The following KCNQ3 variants were observed in gnomAD, a reference collection of about 807,000 sequenced individuals.
KCNQ3 encodes the protein potassium voltage-gated channel subfamily KQT member 3.
Under a neutral mutation model 92.5 loss-of-function variants are expected in KCNQ3, and 30 were observed. The observed-to-expected ratio is 0.32, with a 90% CI of 0.24 to 0.44. The LOEUF (loss-of-function observed/expected upper bound fraction) is 0.44. Among genes scored for constraint, KCNQ3 ranks in the 20% least tolerant of loss-of-function variants. The pLI, the probability that KCNQ3 is intolerant of heterozygous loss-of-function variation, is 1.00. For synonymous variants in KCNQ3, 450 were observed against 468.8 expected (o/e 0.96, Z 0.52); for missense variants, 913 against 1,140.3 (o/e 0.80, Z 2.87).
intron 1 of KCNQ3, among the ~76,000 whole-genome samples, chr8:132,303,072 A>C (rs537758644): frequency 6.6e-6 from 1 of 152,308 alleles, no homozygotes; most frequent in East Asian, 1.9e-4. Context: ...ATGCAAGAAC[A>C]GGAAAGGGAA....
At chr8:132,203,069 T>G (rs1239940191) in intron 1 of KCNQ3, among the ~76,000 whole-genome samples, 1 of 152,070 alleles carries the variant, frequency 6.6e-6, no homozygotes, top group Non-Finnish European at 1.5e-5. Flanking sequence ...GATCATCCCA[T>G]CCCAAGGTGA....
chr8:132,372,468 C>T (rs1250662333), intron 1 of KCNQ3, among the ~76,000 whole-genome samples: 3 of 152,170 alleles, frequency 2.0e-5, no homozygotes, highest in South Asian at 4.1e-4. Context: ...CAGAAAAGTG[C>T]TTAGAGGCCG....
chr8:132,303,305 G>A lies in KCNQ3; in HGVS notation c.387-117124C>T, dbSNP rs117070942. Among the ~76,000 whole-genome samples the A allele has an allele frequency of 6.5e-3, 981 of 151,926 alleles. 7 individuals are homozygous for A. Among genetic ancestry groups the A allele is most frequent in the Non-Finnish European group, 0.011 (744 of 67,970 alleles). Reference sequence around the variant, plus strand: ...ACTATGTGTCTCCCACAGTGACTCAGTTCCTGTCCTCAAAGACCTCACGGT... The same window carrying A: ...ACTATGTGTCTCCCACAGTGACTCAATTCCTGTCCTCAAAGACCTCACGGT... On this transcript the variant is annotated intron_variant, in intron 1 of 14. Transcript: ENST00000388996.
chr8:132,348,224 G>A (rs1818754920), intron 1 of KCNQ3, among the ~76,000 whole-genome samples: 1 of 152,000 alleles, frequency 6.6e-6, no homozygotes. Context: ...AAAAAATGCT[G>A]CCAGGATCAT....
chr8:132,134,923 GAT>G (rs371310120), intron 12 of KCNQ3, among the ~76,000 whole-genome samples: 288 of 152,222 alleles, frequency 1.9e-3, no homozygotes, highest in Middle Eastern at 3.4e-3. Flanking sequence ...CCAGTAGAAA[GAT>G]AGATCCAACA....
intron 13 of KCNQ3, among the ~76,000 whole-genome samples, chr8:132,132,661 A>AT (rs1824922745): frequency 6.6e-6 from 1 of 151,958 alleles, no homozygotes; most frequent in African/African-American, 2.4e-5. Flanking sequence ...CAGGTGGAGA[A>AT]GGGGTCATCT....
At chr8:132,184,878 G>A (rs1188463259) in intron 2 of KCNQ3, among the ~76,000 whole-genome samples, 1 of 152,192 alleles carries the variant, frequency 6.6e-6, no homozygotes, top group Admixed American at 6.5e-5. Context: ...AGAAACCAAG[G>A]CACAGAGTAG....
intron 1 of KCNQ3, among the ~76,000 whole-genome samples, chr8:132,459,223 A>G (rs1357211366): frequency 6.6e-6 from 1 of 152,234 alleles, no homozygotes; most frequent in Non-Finnish European, 1.5e-5. Flanking sequence ...ACATACTATC[A>G]ACATGATTAA....
chr8:132,130,083 T>TG (rs1554621534), intron 14 of KCNQ3, 87 bp from the exon 15 acceptor site: 63 of 1,275,914 alleles, frequency 4.9e-5, no homozygotes, highest in Middle Eastern at 2.7e-4. Context: ...TCTTTTTTTT[T>TG]GTTTTTTTTT....
At position 132,121,694 on chromosome 8, in the gene KCNQ3, G is replaced by C. The variant is rs1019072090; in HGVS notation, c.*7568C>G. 6.6e-6 allele frequency: 1 copy of C among 152,146 alleles called. No homozygotes were observed. The highest frequency in any genetic ancestry group is 1.5e-5 in the Non-Finnish European group (1 of 68,026). 9.4% of individuals were successfully genotyped at this position (152,146 alleles called of 1,614,324 possible). On this transcript the variant is annotated 3_prime_UTR_variant, in exon 15 of 15. Transcript: ENST00000388996. ...TTTTATAGACTCACCTGTTTCTGCA[G>C]AATTTCAGAGCTCAGAAATAAAGGT...
rs146051075 is a variant in KCNQ3 at position 132,402,061 on chromosome 8, C to T, written c.386+78086G>A. On this transcript the variant is annotated intron_variant, in intron 1 of 14. Transcript: ENST00000388996. ...ACCTGGGGGCAAGGGTGTGCATGTG[C>T]CTGTGGTGTCATAATTAGTCTGGGG... 5.9e-3 allele frequency among the ~76,000 whole-genome samples: 892 copies of T among 152,270 alleles called. 5 individuals carry two copies. Among genetic ancestry groups the T allele is most frequent in the Admixed American group, 9.7e-3 (148 of 15,288 alleles).
chr8:132,438,800 A>G (rs1161119014), intron 1 of KCNQ3, among the ~76,000 whole-genome samples: 6 of 151,862 alleles, frequency 4.0e-5, no homozygotes, highest in African/African-American at 9.7e-5. Flanking sequence ...TATCACTAAG[A>G]AGGTTCATGA....
chr8:132,468,921 G>A (rs1822240357), intron 1 of KCNQ3, among the ~76,000 whole-genome samples: 1 of 152,170 alleles, frequency 6.6e-6, no homozygotes, highest in Non-Finnish European at 1.5e-5. Context: ...CTCTTGAGCT[G>A]TAACCCAATT....
At chr8:132,419,091 T>G (rs566573074) in intron 1 of KCNQ3, among the ~76,000 whole-genome samples, 1 of 152,126 alleles carries the variant, frequency 6.6e-6, no homozygotes, top group South Asian at 2.1e-4. Flanking sequence ...TGAGAAGAGA[T>G]CCATCTAAAA....
At chr8:132,471,139 C>T (rs547826550) in intron 1 of KCNQ3, among the ~76,000 whole-genome samples, 11 of 152,126 alleles carry the variant, frequency 7.2e-5, no homozygotes, top group Non-Finnish European at 1.3e-4. Flanking sequence ...AGAGTCACAG[C>T]ATTGGTTTCC....
intron 1 of KCNQ3, chr8:132,447,394 A>C (rs1821711263): frequency 1.4e-6 from 1 of 709,972 alleles, no homozygotes; most frequent in Non-Finnish European, 2.4e-6. Context: ...AAGACACTGC[A>C]AGAAAGAAGA....
In KCNQ3 at chr8:132,454,418, G is replaced by A. The variant is rs141657907; in HGVS notation, c.386+25729C>T. On this transcript the variant is annotated intron_variant, in intron 1 of 14. Transcript: ENST00000388996. ...GCTTCATTTCTACAAGGTGTGCTCT[G>A]TGTCAATGCTGTACCAAGTGCTTTA... Among the ~76,000 whole-genome samples the A allele has an allele frequency of 3.3e-5, 5 of 152,324 alleles. No individual in the cohort carries two copies. The East Asian group carries it at 9.6e-4, about 29-fold the overall frequency.
intron 1 of KCNQ3, among the ~76,000 whole-genome samples, chr8:132,417,227 T>C (rs903490955): frequency 6.6e-5 from 10 of 152,272 alleles, no homozygotes; most frequent in African/African-American, 2.4e-4. Flanking sequence ...GCCCCTGGGA[T>C]TGGCAATAAC....
chr8:132,335,728 T>C (rs971522833), intron 1 of KCNQ3, among the ~76,000 whole-genome samples: 1 of 152,204 alleles, frequency 6.6e-6, no homozygotes, highest in African/African-American at 2.4e-5. Context: ...GTTAGTGATT[T>C]TCAGAAAAGC....
Sources: gnomAD v4.1 joint callset for allele counts (sites outside exome capture counted in the v4.1 genomes callset) on GRCh38, gnomAD v4.1.1 for gene constraint, MANE v1.5 for transcripts, NCBI Gene and HGNC (gene_info 2026-07-23, HGNC 2026-07-21) for gene names.